DMC1: variants seen among roughly 807,000 people sequenced by gnomAD.
The protein encoded by DMC1 is DNA meiotic recombinase 1, also known as meiotic recombination protein DMC1 homolog.
A neutral mutation model predicts 50.1 loss-of-function variants in DMC1; 27 were observed. The observed-to-expected ratio is 0.54, with a 90% CI of 0.40 to 0.74. The LOEUF (loss-of-function observed/expected upper bound fraction) is 0.74, where lower values mean the gene tolerates loss of function less well. Among genes scored for constraint, DMC1 ranks in the 30% least tolerant of loss-of-function variants. The pLI is 0.00. For missense variants in DMC1, 295 were observed against 420.2 expected, an observed-to-expected ratio of 0.70 and a Z score of 2.60; for synonymous variants, 148 against 136.1, an observed-to-expected ratio of 1.09 and a Z score of -0.61.
chr22:38,517,612 AAAGTT>A (rs1239248474), downstream of DMC1, among the ~76,000 whole-genome samples: 1 of 152,094 alleles, frequency 6.6e-6, no homozygotes, highest in Non-Finnish European at 1.5e-5. Context: ...ACAAAACAAA[AAAGTT>A]AAAACAGCAT....
intron 8 of DMC1, among the ~76,000 whole-genome samples, chr22:38,543,787 G>C (rs1421661597): frequency 1.3e-5 from 2 of 152,116 alleles, no homozygotes; most frequent in Non-Finnish European, 2.9e-5. Context: ...CTGGTCACCT[G>C]CTCTGACCTG....
chr22:38,537,747 C>T (rs1346181580), intron 11 of DMC1, 95 bp from the exon 12 acceptor site: 1 of 864,948 alleles, frequency 1.2e-6, no homozygotes. Context: ...CATATTGCAT[C>T]ATGAATTTAT....
intron 8 of DMC1, among the ~76,000 whole-genome samples, chr22:38,546,607 G>A (rs2090347294): frequency 1.3e-5 from 2 of 152,110 alleles, no homozygotes; most frequent in South Asian, 4.1e-4. Context: ...TCTGAAAAGG[G>A]ACTTCTGCAA....
chr22:38,555,351 A>G lies in DMC1; in HGVS notation c.379+6T>C, dbSNP rs748474093. 14 of 1,599,456 alleles carry G rather than the reference A, an allele frequency of 8.8e-6. No homozygotes were observed. The highest frequency in any genetic ancestry group is 3.3e-5 in the Admixed American group (2 of 59,920). Reference sequence around the variant, plus strand: ...TCATTTAACAAAATATTAAGGTTCTACCTACCTCCAAAAGCTTCTGTAATT... The same window carrying G: ...TCATTTAACAAAATATTAAGGTTCTGCCTACCTCCAAAAGCTTCTGTAATT... On this transcript the variant is annotated splice_donor_region_variant and intron_variant, in intron 6 of 13. Coordinates refer to ENST00000216024, the MANE Select transcript of DMC1 (RefSeq NM_007068.4).
In DMC1 at chr22:38,535,298, C is replaced by CA. The variant is rs1213663157; in HGVS notation, c.836+2293dup. 3.4e-3 allele frequency among the ~76,000 whole-genome samples: 330 copies of CA among 96,070 alleles called. 3 individuals are homozygous for CA. The highest frequency in any genetic ancestry group is 0.012 in the Middle Eastern group (2 of 168). 63.0% of individuals were successfully genotyped at this position (96,070 alleles called of 152,430 possible). A position where few individuals can be genotyped will look rare whatever the true frequency, so the allele number is the denominator to read the frequency against. On this transcript the variant is annotated intron_variant, in intron 12 of 13. Coordinates refer to ENST00000216024, the MANE Select transcript of DMC1 (RefSeq NM_007068.4). ...TGGGTGACAGAGCGAGACTCCGTCTCAAAAAAAAAAAAAGAAAAAGAAAAA... is the reference window on the plus strand; with the variant it reads ...TGGGTGACAGAGCGAGACTCCGTCTCAAAAAAAAAAAAAAGAAAAAGAAAAA...
intron 3 of DMC1, among the ~76,000 whole-genome samples, chr22:38,567,222 G>A (rs1325950137): frequency 6.6e-6 from 1 of 152,086 alleles, no homozygotes; most frequent in Non-Finnish European, 1.5e-5. Flanking sequence ...TTAAATGTTA[G>A]GGCTACAACA....
chr22:38,527,749 C>A (rs1285705512), intron 12 of DMC1, among the ~76,000 whole-genome samples: 2 of 151,746 alleles, frequency 1.3e-5, no homozygotes, highest in Non-Finnish European at 2.9e-5. Context: ...AAACTCCTGA[C>A]CTCAGATGAT....
chr22:38,549,540 A>C, intron 8 of DMC1: 1 of 182,440 alleles, frequency 5.5e-6, no homozygotes, highest in Non-Finnish European at 1.2e-5. Context: ...AGGAGAATTG[A>C]TTGAACCCAA....
chr22:38,551,009 C>A (rs984674011), intron 7 of DMC1, among the ~76,000 whole-genome samples: 3 of 149,814 alleles, frequency 2.0e-5, no homozygotes, highest in African/African-American at 7.3e-5. Context: ...ACAAATAGGC[C>A]GAGTGGGCGG....
At chr22:38,518,869 C>T (rs1018454026), downstream of DMC1, 3 of 151,966 alleles carry the variant, frequency 2.0e-5, no homozygotes, top group Non-Finnish European at 4.4e-5. Flanking sequence ...ACATTAAAGT[C>T]TATAAAGATT....
intron 12 of DMC1, among the ~76,000 whole-genome samples, chr22:38,528,829 C>T (rs2090124276): frequency 6.6e-6 from 1 of 152,030 alleles, no homozygotes; most frequent in Non-Finnish European, 1.5e-5. Context: ...TATTATTTAA[C>T]TAAACAATTC....
At chr22:38,525,516 T>G (rs927387250) in intron 12 of DMC1, among the ~76,000 whole-genome samples, 2 of 152,114 alleles carry the variant, frequency 1.3e-5, no homozygotes, top group Non-Finnish European at 2.9e-5. Context: ...CAAAAAAGAA[T>G]AGAGACAATT....
intron 4 of DMC1, among the ~76,000 whole-genome samples, chr22:38,564,996 G>A (rs1302452759): frequency 3.3e-5 from 5 of 152,214 alleles, no homozygotes; most frequent in Admixed American, 1.3e-4. Flanking sequence ...CCAAATGGCC[G>A]TTGGTGAAGA....
rs750632668 is a variant in DMC1, at chr22:38,537,612, G to A, written c.816C>T (p.Ala272=). The A allele has an allele frequency of 6.2e-6, 10 of 1,613,822 alleles. No individual in the cohort carries two copies. In the African/African-American group the frequency reaches 6.7e-5, roughly 11 times the overall value. The change falls in exon 12 of 14, where the codon GCC becomes GCT. Residue 272 remains alanine (A), a synonymous_variant. Transcript: ENST00000216024. ...CTTACGTCATAGTTGCTCCTGGATCGGCAGTCATTTGATTGGTCACAAAAA... is the reference window on the plus strand; with the variant it reads ...CTTACGTCATAGTTGCTCCTGGATCAGCAGTCATTTGATTGGTCACAAAAA... ...VAVFVTNQMT[A]DPGATMTFQA...
intron 12 of DMC1, among the ~76,000 whole-genome samples, chr22:38,528,806 T>TA (rs1225392090): frequency 1.3e-5 from 2 of 151,886 alleles, no homozygotes; most frequent in African/African-American, 4.8e-5. Context: ...ACTAAAATAA[T>TA]ACATAGGATA....
At chr22:38,568,774 A>G (rs1456967818) in intron 1 of DMC1, among the ~76,000 whole-genome samples, 2 of 152,194 alleles carry the variant, frequency 1.3e-5, no homozygotes, top group Non-Finnish European at 2.9e-5. Context: ...CTCATCTATG[A>G]TGAATGCCTT....
At chr22:38,509,760 C>T in the DMC1 span, among the ~76,000 whole-genome samples, 1 of 152,010 alleles carries the variant, frequency 6.6e-6, no homozygotes, top group Non-Finnish European at 1.5e-5. Flanking sequence ...ACTTCTGCCT[C>T]CTGGGTTCAA....
the DMC1 span, among the ~76,000 whole-genome samples, chr22:38,509,882 G>T: frequency 2.0e-5 from 3 of 152,114 alleles, no homozygotes; most frequent in Non-Finnish European, 4.4e-5. Context: ...AGCCAGGCTG[G>T]TTTTGAACTC....
intron 6 of DMC1, among the ~76,000 whole-genome samples, chr22:38,554,411 A>C (rs2090447105): frequency 6.6e-6 from 1 of 151,976 alleles, no homozygotes; most frequent in African/African-American, 2.4e-5. Flanking sequence ...CAACAGAAAT[A>C]ATGAAAACCA....
Sources: allele counts gnomAD v4.1 joint callset (sites outside exome capture counted in the v4.1 genomes callset), GRCh38; gene constraint gnomAD v4.1.1; transcripts MANE v1.5; gene names NCBI Gene and HGNC (gene_info 2026-07-23, HGNC 2026-07-21).